Variants in PTPN18 observed in about 807,000 individuals in gnomAD.
PTPN18 encodes the protein protein tyrosine phosphatase non-receptor type 18, also known as tyrosine-protein phosphatase non-receptor type 18.
Under a neutral mutation model 65.4 loss-of-function variants are expected in PTPN18, and 65 were observed. The observed-to-expected ratio is 0.99, with a 90% CI of 0.81 to 1.22. The LOEUF is 1.22. Among genes scored for constraint, PTPN18 ranks in the 50% most tolerant of loss-of-function variants. The pLI, the probability that PTPN18 is intolerant of heterozygous loss-of-function variation, is 0.00. For missense variants in PTPN18, 616 were observed against 646.5 expected (o/e 0.95, Z 0.51); for synonymous variants, 255 against 267.8 (o/e 0.95, Z 0.47).
At position 130,369,193 on chromosome 2, in the gene PTPN18, A is replaced by G. The variant is rs1680475917; in HGVS notation, c.475A>G (p.Ile159Val). 1 of 1,613,098 alleles carries G rather than the reference A, an allele frequency of 6.2e-7. No individual in the cohort carries two copies. The highest frequency in any genetic ancestry group is 8.5e-7 in the Non-Finnish European group (1 of 1,179,406). ...GCCACTGCAGACTGGGCTTTTCTGC[A>G]TCACTCTGGTGAGCTGTGGGAGTTT... ...QEPLQTGLFC[I>V]TLIKEKWLNE... is the part of the protein sequence containing the mutation. Residue 159 changes from isoleucine to valine, a missense_variant, in exon 6 of 15, where the codon ATC (isoleucine) becomes GTC (valine). Around this residue, in one of 3 missense-constraint regions of PTPN18, gnomAD observed 25 missense variants for 49.8 expected, o/e 0.50. Coordinates refer to ENST00000175756, the MANE Select transcript of PTPN18 (RefSeq NM_014369.4).
At chr2:130,358,373 G>A (rs534053099) in intron 1 of PTPN18, among the ~76,000 whole-genome samples, 2 of 152,288 alleles carry the variant, frequency 1.3e-5, no homozygotes, top group African/African-American at 4.8e-5. Flanking sequence ...TACATAATAT[G>A]TTATCCATTA....
At chr2:130,369,602 C>T (rs375373150) in intron 6 of PTPN18, among the ~76,000 whole-genome samples, 163 bp from the exon 7 acceptor site, 1 of 152,134 alleles carries the variant, frequency 6.6e-6, no homozygotes, top group East Asian at 1.9e-4. Context: ...TCAAATGTTT[C>T]CTTAATGAAA....
At chr2:130,358,834 C>T (rs779811630) in intron 1 of PTPN18, 33 bp from the exon 2 acceptor site, 5 of 1,571,184 alleles carry the variant, frequency 3.2e-6, no homozygotes, top group African/African-American at 1.3e-5. Flanking sequence ...CCTGTCTTCT[C>T]CCCTCCCTGA....
chr2:130,372,716 C>T (rs1286377582), intron 13 of PTPN18, 157 bp from the exon 14 acceptor site: 1 of 1,027,572 alleles, frequency 9.7e-7, no homozygotes, highest in Non-Finnish European at 1.4e-6. Context: ...TGGCCGCGCC[C>T]AAAGGCTGGA....
chr2:130,372,787 T>C, intron 13 of PTPN18, 86 bp from the exon 14 acceptor site: 2 of 1,506,360 alleles, frequency 1.3e-6, no homozygotes, highest in South Asian at 2.3e-5. Flanking sequence ...CCTTCGGGCC[T>C]CCGGGGAAGC....
intron 8 of PTPN18, 139 bp downstream of exon 8, chr2:130,370,329 T>G: frequency 7.5e-7 from 1 of 1,326,500 alleles, no homozygotes; most frequent in South Asian, 1.3e-5. Flanking sequence ...ACTGTAATTG[T>G]GAGCACTTGT....
Position 130,369,755 on chromosome 2 carries a change from C to T in PTPN18, c.484-10C>T. The T allele has an allele frequency of 6.3e-7, 1 of 1,583,480 alleles. No individual in the cohort carries two copies. The highest frequency in any genetic ancestry group is 8.7e-7 in the Non-Finnish European group (1 of 1,152,522). On this transcript the variant is annotated splice_polypyrimidine_tract_variant and intron_variant, in intron 6 of 14. Coordinates refer to ENST00000175756, the MANE Select transcript of PTPN18 (RefSeq NM_014369.4). ...TCCCTCTTCTTACTTGCCCCACCCC[C>T]CTTACTCAGATAAAGGAGAAGTGGC...
At chr2:130,371,902 A>G (rs1436536781) in intron 12 of PTPN18, 4 of 252,104 alleles carry the variant, frequency 1.6e-5, no homozygotes, top group Non-Finnish European at 2.3e-5. Flanking sequence ...CATGGGATTG[A>G]GCCGCCTTCG....
At position 130,373,331 on chromosome 2, in the gene PTPN18, T is replaced by G. The variant is rs1375694459; in HGVS notation, c.*107T>G. ...TGGAAACAGTGGGCCTGGATCAAAGTTAAAGTTTCTCAGGGTGGGAAATGT... is the reference window on the plus strand; with the variant it reads ...TGGAAACAGTGGGCCTGGATCAAAGGTAAAGTTTCTCAGGGTGGGAAATGT... On this transcript the variant is annotated 3_prime_UTR_variant, in exon 15 of 15. Coordinates refer to ENST00000175756, the MANE Select transcript of PTPN18 (RefSeq NM_014369.4). The surrounding 1 kb of genome is among the most constrained non-coding windows in gnomAD (Gnocchi z 4.1). 3 of 1,179,068 alleles carry G rather than the reference T, an allele frequency of 2.5e-6. No homozygotes were observed. The highest frequency in any genetic ancestry group is 3.5e-6 in the Non-Finnish European group (3 of 862,018). 73.0% of individuals were successfully genotyped at this position (1,179,068 alleles called of 1,614,324 possible).
Position 130,370,622 on chromosome 2 carries a change from A to G in PTPN18, c.755A>G (p.Gln252Arg). The change falls in exon 9 of 15, where the codon CAG becomes CGG. Residue 252 changes from glutamine to arginine, a missense_variant and splice_region_variant. Gln to Arg is a conservative substitution (Grantham distance 43, BLOSUM62 1). This residue lies in a region of PTPN18 where 368 missense variants were observed against 386.7 expected (regional missense o/e 0.95). Transcript: ENST00000175756. ...TATGTGAGGCAGCTGCTCCTGACCC[A>G]GGTACGATACAGGCATCCTGTGTGT... is the stretch of plus-strand genomic sequence containing the variant. ...VDYVRQLLLT[Q>R]MIPPDFSLFD... 1 of 1,614,180 alleles carries G rather than the reference A, an allele frequency of 6.2e-7. No individual in the cohort carries two copies.
chr2:130,373,406 G>T lies in PTPN18; in HGVS notation c.*182G>T, dbSNP rs1039156244. ...GCATTCAAGGCTTGAGGCTGGAGGA[G>T]GTAGCTAGGGTATAGTGGCTGGTGA... On this transcript the variant is annotated 3_prime_UTR_variant, in exon 15 of 15. Transcript: ENST00000175756. This position sits in a 1 kb window ranked among gnomAD's most constrained non-coding sequence, Gnocchi z 4.1. 1.8e-5 allele frequency: 11 copies of T among 611,878 alleles called. No homozygotes were observed. The highest frequency in any genetic ancestry group is 5.2e-4 in the Middle Eastern group (2 of 3,858). 37.9% of individuals were successfully genotyped at this position (611,878 alleles called of 1,614,324 possible).
At chr2:130,357,661 C>T (rs1165618011) in intron 1 of PTPN18, among the ~76,000 whole-genome samples, 2 of 152,104 alleles carry the variant, frequency 1.3e-5, no homozygotes, top group East Asian at 1.9e-4. Flanking sequence ...TCCACACCAT[C>T]CTGGCTAACA....
At chr2:130,372,623 A>G in intron 13 of PTPN18, 140 bp downstream of exon 13, 1 of 1,171,744 alleles carries the variant, frequency 8.5e-7, no homozygotes, top group South Asian at 1.7e-5. Context: ...GCTGATGTCC[A>G]GGCGTCCCTG....
chr2:130,372,679 G>C (rs918011237), intron 13 of PTPN18, 194 bp from the exon 14 acceptor site: 5 of 968,560 alleles, frequency 5.2e-6, no homozygotes, highest in Non-Finnish European at 5.9e-6. Context: ...CGCGGTCCAG[G>C]GGCAGGGTTC....
chr2:130,364,795 CA>C (rs1680331037), intron 5 of PTPN18, among the ~76,000 whole-genome samples: 1 of 151,820 alleles, frequency 6.6e-6, no homozygotes, highest in Non-Finnish European at 1.5e-5. Flanking sequence ...GACTCCGTCT[CA>C]AAACAACAAC....
In PTPN18 at chr2:130,359,509, G is replaced by C. The variant is rs560194829; in HGVS notation, c.375+17G>C. 6.2e-7 allele frequency: 1 copy of C among 1,613,836 alleles called. No homozygotes were observed. The highest frequency in any genetic ancestry group is 1.3e-5 in the African/African-American group (1 of 75,018). On this transcript the variant is annotated intron_variant, in intron 4 of 14. Coordinates refer to ENST00000175756, the MANE Select transcript of PTPN18 (RefSeq NM_014369.4). ...GGGGTCAAGGTCAGCACTTGGGGGTGCGGCACAATGGTGGGGTCAACATCT... is the reference window on the plus strand; with the variant it reads ...GGGGTCAAGGTCAGCACTTGGGGGTCCGGCACAATGGTGGGGTCAACATCT...
Position 130,374,278 on chromosome 2 carries a change from C to G in PTPN18, c.*1054C>G, listed in dbSNP as rs1680669345. ...AGACCCCCGCCAGACAGACTCCCAA[C>G]CAGACTGACCCCTTACTATTCACAC... On this transcript the variant is annotated 3_prime_UTR_variant, in exon 15 of 15. Transcript: ENST00000175756. 4.5e-6 allele frequency: 1 copy of G among 223,384 alleles called. No individual in the cohort carries two copies. The highest frequency in any genetic ancestry group is 2.3e-5 in the African/African-American group (1 of 44,062). 13.8% of individuals were successfully genotyped at this position (223,384 alleles called of 1,614,324 possible).
Position 130,364,535 on chromosome 2 carries a change from G to A in PTPN18, c.415-4598G>A, listed in dbSNP as rs572127312. The stretch of plus-strand genomic sequence containing the variant: ...ATACAGGCTGGACACAGTGGCTCAC[G>A]CCTGTAATCCCAGCACTTTGGGAGG... On this transcript the variant is annotated intron_variant, in intron 5 of 14. Transcript: ENST00000175756. Among the ~76,000 whole-genome samples the A allele has an allele frequency of 7.2e-4, 110 of 152,282 alleles. 1 individual carries two copies. Among genetic ancestry groups the A allele is most frequent in the African/African-American group, 2.3e-3 (95 of 41,554 alleles).
At position 130,359,418 on chromosome 2, in the gene PTPN18, T is replaced by G; in HGVS notation, c.301T>G (p.Tyr101Asp). The G allele has an allele frequency of 6.2e-7, 1 of 1,614,178 alleles. No individual in the cohort carries two copies. The highest frequency in any genetic ancestry group is 8.5e-7 in the Non-Finnish European group (1 of 1,180,016). Residue 101 changes from tyrosine (Y) to aspartate (D), a missense_variant, in exon 4 of 15, where the codon TAC becomes GAC. Coordinates refer to ENST00000175756, the MANE Select transcript of PTPN18 (RefSeq NM_014369.4). ...CCAGGGCGTGGATGGAAGCCTGGCC[T>G]ACATTGCCACGCAAGGACCCTTGCC... ...FIRGVDGSLA[Y>D]IATQGPLPHT...
Sources: gnomAD v4.1 joint callset for allele counts (sites outside exome capture counted in the v4.1 genomes callset) on GRCh38, gnomAD v4.1.1 for gene constraint, gnomAD v4.1.1 regional missense constraint, Gnocchi (gnomAD v3.1) non-coding constraint, MANE v1.5 for transcripts, NCBI Gene and HGNC (gene_info 2026-07-23, HGNC 2026-07-21) for gene names.